The following CCSER2 variants were observed in gnomAD, a reference collection of about 807,000 sequenced individuals.
CCSER2 encodes serine-rich coiled-coil domain-containing protein 2.
In CCSER2, 46 loss-of-function variants were observed where a neutral mutation model predicts 92.3. That is an observed-to-expected ratio of 0.50 (90% CI 0.39 to 0.64). The LOEUF (loss-of-function observed/expected upper bound fraction) is 0.64, where lower values mean the gene tolerates loss of function less well. CCSER2 is among the 30% of genes least tolerant of loss of function. The pLI is 0.00. For missense variants in CCSER2, 1,244 were observed against 1,238.9 expected (o/e 1.00, Z -0.06); for synonymous variants, 433 against 431.4 (o/e 1.00, Z -0.04).
chr10:84,409,300 AT>A (rs1188084112), intron 3 of CCSER2, among the ~76,000 whole-genome samples: 3 of 143,452 alleles, frequency 2.1e-5, no homozygotes, highest in African/African-American at 5.0e-5. Flanking sequence ...CTATTTATTT[AT>A]TTAAAAAAAT....
intron 3 of CCSER2, among the ~76,000 whole-genome samples, chr10:84,407,520 C>CT (rs536420187): frequency 1.3e-5 from 2 of 152,196 alleles, no homozygotes; most frequent in African/African-American, 2.4e-5. Flanking sequence ...CCTGTAGAGT[C>CT]TAACTCCTCA....
intron 9 of CCSER2, among the ~76,000 whole-genome samples, chr10:84,501,845 A>ATATATATATATGAG (rs1848763548): frequency 9.3e-6 from 1 of 107,548 alleles, no homozygotes; most frequent in African/African-American, 2.9e-5. Flanking sequence ...ATATATATAT[A>ATATATATATATGAG]TATATATATA....
chr10:84,334,432 T>C (rs1843727130), intron 1 of CCSER2, among the ~76,000 whole-genome samples: 1 of 152,140 alleles, frequency 6.6e-6, no homozygotes, highest in Non-Finnish European at 1.5e-5. Context: ...TCTGAGTTTT[T>C]AGCTCTTCTC....
intron 3 of CCSER2, among the ~76,000 whole-genome samples, chr10:84,383,613 G>T (rs977956952): frequency 3.3e-5 from 5 of 152,090 alleles, no homozygotes; most frequent in Non-Finnish European, 7.4e-5. Flanking sequence ...CCCGGCTGAG[G>T]TGCTTTATTC....
chr10:84,451,438 G>T (rs892394573), intron 6 of CCSER2, among the ~76,000 whole-genome samples: 1 of 151,958 alleles, frequency 6.6e-6, no homozygotes, highest in African/African-American at 2.4e-5. Context: ...GTGCCGTTGC[G>T]TCCACCTGCA....
chr10:84,351,014 CA>C (rs1415669904), intron 1 of CCSER2, among the ~76,000 whole-genome samples: 1 of 152,074 alleles, frequency 6.6e-6, no homozygotes. Flanking sequence ...CACATTAATT[CA>C]ATGTAATATA....
chr10:84,510,958 C>T (rs1471913911), intron 9 of CCSER2, among the ~76,000 whole-genome samples: 1 of 151,852 alleles, frequency 6.6e-6, no homozygotes, highest in African/African-American at 2.4e-5. Context: ...AATATAGTTA[C>T]CAAATAAATA....
intron 3 of CCSER2, among the ~76,000 whole-genome samples, chr10:84,415,567 G>A (rs1842849140): frequency 2.0e-5 from 3 of 152,204 alleles, no homozygotes; most frequent in South Asian, 2.1e-4. Context: ...CCTGTTGGCA[G>A]CCTGAAGGAG....
chr10:84,498,276 C>T (rs1425160868), intron 9 of CCSER2, among the ~76,000 whole-genome samples: 1 of 152,204 alleles, frequency 6.6e-6, no homozygotes, highest in Non-Finnish European at 1.5e-5. Context: ...TCACAAACAG[C>T]ATAACAGCAG....
At chr10:84,490,108 C>T (rs1020112705) in intron 9 of CCSER2, among the ~76,000 whole-genome samples, 8 of 152,178 alleles carry the variant, frequency 5.3e-5, no homozygotes, top group African/African-American at 7.2e-5. Flanking sequence ...CTGAGAGATC[C>T]GCTGTTAGTC....
chr10:84,457,321 TTATATATAATATATTATATA>T (rs1196353583), intron 6 of CCSER2, among the ~76,000 whole-genome samples: 80 of 56,716 alleles, frequency 1.4e-3, no homozygotes, highest in East Asian at 5.8e-3. Context: ...ATATAATATA[TTATATATAATATATTATATA>T]TTATATATAA....
intron 1 of CCSER2, among the ~76,000 whole-genome samples, chr10:84,352,317 C>CAAACAAAAAA (rs78015613): frequency 0.2 from 29,748 of 151,536 alleles, 3,266 homozygotes; most frequent in Admixed American, 0.33. Flanking sequence ...AAAACAAAAA[C>CAAACAAAAAA]AAAATAGGTG....
At chr10:84,433,358 ATGATT>A (rs1288979885) in intron 5 of CCSER2, among the ~76,000 whole-genome samples, 2 of 152,148 alleles carry the variant, frequency 1.3e-5, no homozygotes, top group African/African-American at 4.8e-5. Context: ...TGAAACACTA[ATGATT>A]TTATGAAATC....
At chr10:84,504,116 A>G (rs1055251989) in intron 9 of CCSER2, among the ~76,000 whole-genome samples, 1 of 152,034 alleles carries the variant, frequency 6.6e-6, no homozygotes, top group Non-Finnish European at 1.5e-5. Context: ...ATCCTCTCAT[A>G]TTTTTTCTCT....
At chr10:84,389,394 C>T (rs914740024) in intron 3 of CCSER2, 3 of 505,482 alleles carry the variant, frequency 5.9e-6, no homozygotes, top group Non-Finnish European at 1.2e-5. Flanking sequence ...TTTCTGTCTC[C>T]TGGCAGTTCC....
At chr10:84,363,760 C>A (rs563349266) in intron 1 of CCSER2, among the ~76,000 whole-genome samples, 1 of 152,170 alleles carries the variant, frequency 6.6e-6, no homozygotes, top group African/African-American at 2.4e-5. Flanking sequence ...CCATTCAGTC[C>A]CTTCCTTCAT....
chr10:84,376,326 C>CAT (rs1307060952), intron 3 of CCSER2, among the ~76,000 whole-genome samples: 1 of 152,102 alleles, frequency 6.6e-6, no homozygotes, highest in Non-Finnish European at 1.5e-5. Flanking sequence ...GTTTGACAAT[C>CAT]ATCCATATTA....
rs1035549545 is a variant in CCSER2, at chr10:84,350,397, C to CT, written c.-39-20616dup. Among the ~76,000 whole-genome samples, 170 of 151,080 alleles carry CT rather than the reference C, an allele frequency of 1.1e-3. 1 individual carries two copies. Among genetic ancestry groups the CT allele is most frequent in the African/African-American group, 3.9e-3 (162 of 41,272 alleles). ...TTTAATTGTTTTTTTTTCTTTTTCT[C>CT]TATTTCCTACACTAGGTTGTAAGTG... On this transcript the variant is annotated intron_variant, in intron 1 of 9. Transcript: ENST00000372088.
chr10:84,414,702 T>G (rs1422177618), intron 3 of CCSER2, among the ~76,000 whole-genome samples: 1 of 152,206 alleles, frequency 6.6e-6, no homozygotes, highest in East Asian at 1.9e-4. Flanking sequence ...CCTGTCTTGC[T>G]ACACAGGGGA....
Sources: allele counts gnomAD v4.1 joint callset (sites outside exome capture counted in the v4.1 genomes callset), GRCh38; gene constraint gnomAD v4.1.1; transcripts MANE v1.5; gene names NCBI Gene and HGNC (gene_info 2026-07-23, HGNC 2026-07-21).